Variants in BNC2 observed in about 807,000 individuals in gnomAD.
BNC2 encodes zinc finger protein basonuclin-2.
A neutral mutation model predicts 76.3 loss-of-function variants in BNC2; 20 were observed. The observed-to-expected ratio is 0.26, with a 90% CI of 0.18 to 0.38. BNC2 has a LOEUF of 0.38. BNC2 is among the 10% of genes least tolerant of loss of function. BNC2 has a pLI of 1.00. For missense variants in BNC2, 1,382 were observed against 1,399.8 expected, an observed-to-expected ratio of 0.99 and a Z score of 0.20; for synonymous variants, 582 against 514.8, an observed-to-expected ratio of 1.13 and a Z score of -1.77.
chr9:16,480,534 C>T (rs1172936081), intron 5 of BNC2, among the ~76,000 whole-genome samples: 1 of 152,180 alleles, frequency 6.6e-6, no homozygotes, highest in African/African-American at 2.4e-5. Context: ...GGAACCGGGG[C>T]TGCAGGCGGC....
At chr9:16,767,084 T>C (rs1563933553) in intron 1 of BNC2, among the ~76,000 whole-genome samples, 1 of 152,248 alleles carries the variant, frequency 6.6e-6, no homozygotes, top group African/African-American at 2.4e-5. Flanking sequence ...GAACATTATA[T>C]ACTTCATTCC....
At chr9:16,856,733 A>G (rs1341994639) in intron 1 of BNC2, among the ~76,000 whole-genome samples, 1 of 152,232 alleles carries the variant, frequency 6.6e-6, no homozygotes, top group African/African-American at 2.4e-5. Flanking sequence ...TCAAAAGCCA[A>G]TTCAGCCAAG....
intron 3 of BNC2, among the ~76,000 whole-genome samples, chr9:16,664,275 C>G (rs1029042798): frequency 6.6e-6 from 1 of 152,198 alleles, no homozygotes; most frequent in Non-Finnish European, 1.5e-5. Context: ...GCCAGTCCTT[C>G]CCTGGCTGGC....
rs1256476635 is a variant in BNC2, at chr9:16,766,209, G to T, written c.4-27724C>A. On this transcript the variant is annotated intron_variant, in intron 1 of 6. Coordinates refer to ENST00000380672, the MANE Select transcript of BNC2 (RefSeq NM_017637.6). ...GTGCTTTCTGTCTCAACTTTAATGT[G>T]CTTTTAATGTAGTTTTTCCTGTGTG... Among the ~76,000 whole-genome samples, 3 of 152,108 alleles carry T rather than the reference G, an allele frequency of 2.0e-5. No homozygotes were observed. The East Asian group carries it at 5.8e-4, about 29-fold the overall frequency.
At position 16,435,960 on chromosome 9, in the gene BNC2, T is replaced by C; in HGVS notation, c.2234A>G (p.His745Arg). 2 of 1,614,164 alleles carry C rather than the reference T, an allele frequency of 1.2e-6. No individual in the cohort carries two copies. The highest frequency in any genetic ancestry group is 1.7e-6 in the Non-Finnish European group (2 of 1,180,034). Reference sequence around the variant, plus strand: ...CAGGACTTTTTCACTCACTTCGCTGTGAATGTGCTCATCCCCTTCCATGGA... The same window carrying C: ...CAGGACTTTTTCACTCACTTCGCTGCGAATGTGCTCATCCCCTTCCATGGA... ...EESMEGDEHI[H>R]SEVSEKVLMN... The change falls in exon 6 of 7, where the codon CAC becomes CGC. Residue 745 changes from histidine to arginine, a missense_variant. This residue lies in a region of BNC2 where 798 missense variants were observed against 775.5 expected (regional missense o/e 1.03). Coordinates refer to ENST00000380672, the MANE Select transcript of BNC2 (RefSeq NM_017637.6).
At chr9:16,691,713 G>A (rs10756779) in intron 3 of BNC2, among the ~76,000 whole-genome samples, 91,123 of 151,472 alleles carry the variant, frequency 0.6, 31,156 homozygotes, top group Non-Finnish European at 0.79. Context: ...GTTTCACCAC[G>A]TTAGCCAGGA....
intron 3 of BNC2, among the ~76,000 whole-genome samples, chr9:16,686,312 TC>T (rs1475790030): frequency 6.6e-6 from 1 of 152,154 alleles, no homozygotes; most frequent in Non-Finnish European, 1.5e-5. Flanking sequence ...GCCACTAAGA[TC>T]CCTTTTTAAA....
At chr9:16,859,829 G>C (rs1038274476) in intron 1 of BNC2, among the ~76,000 whole-genome samples, 1 of 152,182 alleles carries the variant, frequency 6.6e-6, no homozygotes, top group African/African-American at 2.4e-5. Flanking sequence ...ACTTAAAAAT[G>C]GTTAACATGG....
chr9:16,455,055 T>C (rs1450150070), intron 5 of BNC2, among the ~76,000 whole-genome samples: 2 of 152,154 alleles, frequency 1.3e-5, no homozygotes, highest in African/African-American at 2.4e-5. Flanking sequence ...AGAGACTAAG[T>C]ATGAGAAACG....
intron 3 of BNC2, among the ~76,000 whole-genome samples, chr9:16,607,980 C>G (rs1416138074): frequency 6.6e-6 from 1 of 152,102 alleles, no homozygotes; most frequent in South Asian, 2.1e-4. Flanking sequence ...TATCCAAAAA[C>G]CCCCATGGTA....
At chr9:16,861,937 C>T (rs1390357831) in intron 1 of BNC2, among the ~76,000 whole-genome samples, 2 of 151,074 alleles carry the variant, frequency 1.3e-5, no homozygotes, top group Admixed American at 6.6e-5. Flanking sequence ...TGCAGTGAGC[C>T]GAGATTGCAC....
chr9:16,758,619 G>C (rs1372336432), intron 1 of BNC2, among the ~76,000 whole-genome samples: 2 of 152,122 alleles, frequency 1.3e-5, no homozygotes, highest in Non-Finnish European at 2.9e-5. Context: ...ATGAGCCACA[G>C]CGCCCAGCCC....
chr9:16,781,048 G>A (rs573448719), intron 1 of BNC2, among the ~76,000 whole-genome samples: 38 of 151,690 alleles, frequency 2.5e-4, no homozygotes, highest in African/African-American at 7.7e-4. Flanking sequence ...CAGATAAAAC[G>A]CTTTATCCAG....
intron 1 of BNC2, among the ~76,000 whole-genome samples, chr9:16,829,867 G>C (rs1275658327): frequency 1.3e-5 from 2 of 152,160 alleles, no homozygotes; most frequent in East Asian, 3.9e-4. Flanking sequence ...GAACAGAAAT[G>C]CCCCCCTAAA....
rs1820572202 is a variant in BNC2, at chr9:16,415,720, AAC to A, written c.*3267_*3268del. ...ACTCAAGAACGAGCAATACTTTGGA[AAC>A]AGAAGAATTGTACATTTTATGATTT... On this transcript the variant is annotated 3_prime_UTR_variant, in exon 7 of 7. Coordinates refer to ENST00000380672, the MANE Select transcript of BNC2 (RefSeq NM_017637.6). 6.6e-6 allele frequency: 1 copy of A among 152,236 alleles called. No homozygotes were observed. Among genetic ancestry groups the A allele is most frequent in the Non-Finnish European group, 1.5e-5 (1 of 68,042 alleles). The allele number at this position is 152,236 out of a possible 1,614,324, so 9.4% of individuals were successfully genotyped here.
intron 6 of BNC2, among the ~76,000 whole-genome samples, chr9:16,420,935 A>G (rs1452896426): frequency 6.6e-6 from 1 of 152,182 alleles, no homozygotes; most frequent in Admixed American, 6.5e-5. Flanking sequence ...ACATATCTAC[A>G]GATACATAAA....
In BNC2 at chr9:16,415,296, A is replaced by G. The variant is rs970810316; in HGVS notation, c.*3693T>C. The G allele has an allele frequency of 2.6e-5, 4 of 152,648 alleles. No homozygotes were observed. The highest frequency in any genetic ancestry group is 9.7e-5 in the African/African-American group (4 of 41,450). The allele number at this position is 152,648 out of a possible 1,614,324, so 9.5% of individuals were successfully genotyped here. ...TTTTCTCTCTTTCCATAGCATGCAG[A>G]TATTCCCGAAAGCGGACTAAACCTG... On this transcript the variant is annotated 3_prime_UTR_variant, in exon 7 of 7. Transcript: ENST00000380672.
intron 3 of BNC2, among the ~76,000 whole-genome samples, chr9:16,601,973 C>T (rs1226127814): frequency 2.6e-5 from 4 of 152,128 alleles, no homozygotes; most frequent in Non-Finnish European, 5.9e-5. Context: ...CTGTCTTCTA[C>T]ATAATCGTCA....
intron 1 of BNC2, among the ~76,000 whole-genome samples, chr9:16,832,937 G>A (rs758586091): frequency 6.6e-6 from 1 of 152,010 alleles, no homozygotes; most frequent in Non-Finnish European, 1.5e-5. Context: ...TGTTGGCCAG[G>A]ATAGTCTCAA....
Sources: gnomAD v4.1 joint callset for allele counts (sites outside exome capture counted in the v4.1 genomes callset) on GRCh38, gnomAD v4.1.1 for gene constraint, gnomAD v4.1.1 regional missense constraint, MANE v1.5 for transcripts, NCBI Gene and HGNC (gene_info 2026-07-23, HGNC 2026-07-21) for gene names.